CSMD1: variants seen among roughly 807,000 people sequenced by gnomAD.
CSMD1 encodes CUB and sushi domain-containing protein 1.
A neutral mutation model predicts 417.5 loss-of-function variants in CSMD1; 213 were observed. The ratio of observed to expected loss-of-function variants is 0.51; its 90% CI spans 0.46 to 0.57. The LOEUF (loss-of-function observed/expected upper bound fraction) is 0.57. CSMD1 is among the 20% of genes least tolerant of loss of function. The pLI, the probability that CSMD1 is intolerant of heterozygous loss-of-function variation, is 0.00. For synonymous variants in CSMD1, 2,862 were observed against 1,736.8 expected, an observed-to-expected ratio of 1.65 and a Z score of -16.11; for missense variants, 6,923 against 4,529.7, an observed-to-expected ratio of 1.53 and a Z score of -15.17.
chr8:4,862,809 G>T (rs1802212496), intron 1 of CSMD1, among the ~76,000 whole-genome samples: 1 of 152,044 alleles, frequency 6.6e-6, no homozygotes, highest in South Asian at 2.1e-4. Context: ...AAAGGGATTT[G>T]GGGTAGCTAG....
chr8:3,029,291 T>C, intron 51 of CSMD1, 28 bp downstream of exon 51: 1 of 1,560,500 alleles, frequency 6.4e-7, no homozygotes, highest in Non-Finnish European at 8.7e-7. Flanking sequence ...ATGCCGTGAC[T>C]TTCAGGGGTG....
intron 3 of CSMD1, among the ~76,000 whole-genome samples, chr8:4,356,176 A>G (rs1638290032): frequency 1.3e-5 from 2 of 152,164 alleles, no homozygotes; most frequent in East Asian, 1.9e-4. Flanking sequence ...TTATAGCTTA[A>G]CTGCCACAAA....
chr8:3,149,331 G>T (rs1819049651), intron 40 of CSMD1, among the ~76,000 whole-genome samples: 1 of 152,160 alleles, frequency 6.6e-6, no homozygotes, highest in Admixed American at 6.5e-5. Flanking sequence ...TTTCCAGTTA[G>T]TTTTGAGAAG....
intron 12 of CSMD1, among the ~76,000 whole-genome samples, chr8:3,465,862 G>A (rs548547706): frequency 6.6e-6 from 1 of 152,120 alleles, no homozygotes; most frequent in Non-Finnish European, 1.5e-5. Context: ...TGTGACTCCA[G>A]GTATGAGAGG....
At chr8:4,952,625 T>G (rs1808828333) in intron 1 of CSMD1, among the ~76,000 whole-genome samples, 1 of 152,104 alleles carries the variant, frequency 6.6e-6, no homozygotes, top group African/African-American at 2.4e-5. Context: ...AGAGCATAGT[T>G]GATATGGTGA....
chr8:4,398,224 G>T (rs1223671733), intron 3 of CSMD1, among the ~76,000 whole-genome samples: 2 of 152,168 alleles, frequency 1.3e-5, no homozygotes, highest in South Asian at 2.1e-4. Context: ...GTAGTATGTG[G>T]TGGGCCTCAC....
At chr8:3,310,837 A>G (rs557426133) in intron 23 of CSMD1, among the ~76,000 whole-genome samples, 7 of 151,526 alleles carry the variant, frequency 4.6e-5, no homozygotes, top group South Asian at 4.2e-4. Context: ...ACCACACCCA[A>G]TGTGACCCGA....
chr8:2,977,333 T>C (rs1805013426), intron 55 of CSMD1, among the ~76,000 whole-genome samples: 1 of 152,176 alleles, frequency 6.6e-6, no homozygotes. Flanking sequence ...CTCCTACTTA[T>C]AAGTGAGAAT....
chr8:4,949,037 T>C (rs1449350869), intron 1 of CSMD1, among the ~76,000 whole-genome samples: 1 of 152,130 alleles, frequency 6.6e-6, no homozygotes, highest in African/African-American at 2.4e-5. Flanking sequence ...CCTAAATGAG[T>C]GTAACATTTT....
intron 2 of CSMD1, among the ~76,000 whole-genome samples, chr8:4,584,942 C>T (rs754064789): frequency 5.3e-5 from 8 of 152,208 alleles, no homozygotes; most frequent in Non-Finnish European, 1.0e-4. Flanking sequence ...CAGCCCCAGT[C>T]TAACTGCCTG....
intron 7 of CSMD1, among the ~76,000 whole-genome samples, chr8:3,636,631 C>A (rs1273348106): frequency 1.3e-5 from 2 of 152,144 alleles, no homozygotes; most frequent in Admixed American, 6.5e-5. Context: ...TCCCACCCTA[C>A]AAAACAAATC....
intron 3 of CSMD1, among the ~76,000 whole-genome samples, chr8:4,285,489 C>T (rs960992826): frequency 3.3e-5 from 5 of 152,096 alleles, no homozygotes; most frequent in Admixed American, 2.0e-4. Context: ...GTGGGCTTTT[C>T]CAAATATAAA....
chr8:3,808,604 C>G (rs1326119361), intron 5 of CSMD1, among the ~76,000 whole-genome samples: 1 of 152,168 alleles, frequency 6.6e-6, no homozygotes, highest in Non-Finnish European at 1.5e-5. Flanking sequence ...ACACTGCTGT[C>G]ACTATTATCA....
chr8:3,579,928 AC>A (rs796392335), intron 9 of CSMD1, among the ~76,000 whole-genome samples: 22 of 152,014 alleles, frequency 1.4e-4, no homozygotes, highest in African/African-American at 5.3e-4. Context: ...ACATGGTGAA[AC>A]CCTGTCTCTA....
At chr8:4,361,287 A>T (rs929742513) in intron 3 of CSMD1, among the ~76,000 whole-genome samples, 2 of 152,246 alleles carry the variant, frequency 1.3e-5, no homozygotes, top group African/African-American at 4.8e-5. Flanking sequence ...ACTCATAAAT[A>T]ATACAAGATA....
At chr8:3,366,684 G>T (rs1185835431) in intron 20 of CSMD1, among the ~76,000 whole-genome samples, 1 of 152,160 alleles carries the variant, frequency 6.6e-6, no homozygotes, top group African/African-American at 2.4e-5. Context: ...AGACCCAGAG[G>T]ATGCCTCCCA....
intron 54 of CSMD1, among the ~76,000 whole-genome samples, chr8:2,986,729 C>A (rs746958043): frequency 1.3e-5 from 2 of 152,098 alleles, no homozygotes; most frequent in Non-Finnish European, 2.9e-5. Flanking sequence ...TGGTTTTGAT[C>A]TCCTGACCTC....
intron 23 of CSMD1, 34 bp downstream of exon 23, chr8:3,343,260 A>C: frequency 4.4e-6 from 7 of 1,592,974 alleles, no homozygotes; most frequent in Non-Finnish European, 6.0e-6. Flanking sequence ...TGACAAAATG[A>C]AAAAAGAACG....
rs1563132082 is a variant in CSMD1, at chr8:3,838,726, T to TAATATTATATAGTATAATATATAATA, written c.819-84710_819-84685dup. On this transcript the variant is annotated intron_variant, in intron 5 of 69. Transcript: ENST00000635120. ...TTATATAGTATAATATATAATAAATTAATATTATATAGTATAATATATAAT... is the reference window on the plus strand; with the variant it reads ...TTATATAGTATAATATATAATAAATTAATATTATATAGTATAATATATAATAAATATTATATAGTATAATATATAAT... Among the ~76,000 whole-genome samples the TAATATTATATAGTATAATATATAATA allele has an allele frequency of 1.8e-4, 13 of 70,986 alleles. 2 individuals are homozygous for TAATATTATATAGTATAATATATAATA. The highest frequency in any genetic ancestry group is 4.3e-4 in the African/African-American group (5 of 11,548). The allele number at this position is 70,986 out of a possible 152,430, so 46.6% of individuals were successfully genotyped here. A position where few individuals can be genotyped will look rare whatever the true frequency, so the allele number is the denominator to read the frequency against.
Sources: gnomAD v4.1 joint callset for allele counts (sites outside exome capture counted in the v4.1 genomes callset) on GRCh38, gnomAD v4.1.1 for gene constraint, MANE v1.5 for transcripts, NCBI Gene and HGNC (gene_info 2026-07-23, HGNC 2026-07-21) for gene names.